ATG3: variants seen among roughly 807,000 people sequenced by gnomAD.
ATG3 encodes autophagy related 3, also known as ubiquitin-like-conjugating enzyme ATG3.
A neutral mutation model predicts 50.7 loss-of-function variants in ATG3; 25 were observed. That is an observed-to-expected ratio of 0.49 (90% confidence interval 0.36 to 0.69). ATG3 has a LOEUF of 0.69. Among genes scored for constraint, ATG3 ranks in the 30% least tolerant of loss-of-function variants. The pLI, the probability that ATG3 is intolerant of heterozygous loss-of-function variation, is 0.00. For synonymous variants in ATG3, 119 were observed against 125.5 expected, an observed-to-expected ratio of 0.95 and a Z score of 0.34; for missense variants, 281 against 376.0, an observed-to-expected ratio of 0.75 and a Z score of 2.09.
At chr3:112,547,592 T>C (rs1468766451) in intron 5 of ATG3, among the ~76,000 whole-genome samples, 2 of 152,220 alleles carry the variant, frequency 1.3e-5, no homozygotes, top group African/African-American at 4.8e-5. Flanking sequence ...GTTATATAAA[T>C]ATAGTGGCAA....
intron 7 of ATG3, among the ~76,000 whole-genome samples, chr3:112,541,391 GA>G (rs1170262566): frequency 1.3e-4 from 18 of 137,004 alleles, no homozygotes; most frequent in African/African-American, 3.8e-4. Flanking sequence ...CTCAAAAAAA[GA>G]AAAAAAAAAG....
intron 2 of ATG3, among the ~76,000 whole-genome samples, chr3:112,557,160 C>T (rs537003967): frequency 7.3e-6 from 1 of 136,160 alleles, no homozygotes; most frequent in South Asian, 2.3e-4. Context: ...TTTTTTCAGA[C>T]GGAGTCTCGT....
chr3:112,550,189 T>TA lies in ATG3; in HGVS notation c.235+2dup. 6.2e-7 allele frequency: 1 copy of TA among 1,601,580 alleles called. No individual in the cohort carries two copies. Among genetic ancestry groups the TA allele is most frequent in the Non-Finnish European group, 8.6e-7 (1 of 1,169,156 alleles). On this transcript the variant is annotated splice_region_variant and intron_variant, in intron 4 of 11. Coordinates refer to ENST00000283290, the MANE Select transcript of ATG3 (RefSeq NM_022488.5). ...TTATTCATATATGCAACATAATTCT[T>TA]ACCATTTTTGGTTACCAAAAATTGT...
intron 11 of ATG3, chr3:112,533,059 A>G: frequency 9.4e-7 from 1 of 1,068,828 alleles, no homozygotes; most frequent in Non-Finnish European, 1.1e-6. Flanking sequence ...GGACAAAGCT[A>G]TACATGTTTA....
At chr3:112,551,345 G>T (rs987666020) in intron 3 of ATG3, among the ~76,000 whole-genome samples, 3 of 152,302 alleles carry the variant, frequency 2.0e-5, no homozygotes, top group Non-Finnish European at 2.9e-5. Flanking sequence ...TCTGAGGAAA[G>T]AGTTAAAATA....
chr3:112,549,908 T>C (rs1933483601), intron 4 of ATG3, among the ~76,000 whole-genome samples: 2 of 151,952 alleles, frequency 1.3e-5, no homozygotes, highest in South Asian at 2.1e-4. Flanking sequence ...TCATAGGTAG[T>C]ATGAATTTCA....
Position 112,541,866 on chromosome 3 carries a change from C to T in ATG3, c.412G>A (p.Asp138Asn), listed in dbSNP as rs1933237587. The T allele has an allele frequency of 6.2e-7, 1 of 1,611,616 alleles. No individual in the cohort carries two copies. The highest frequency in any genetic ancestry group is 1.7e-5 in the Admixed American group (1 of 59,970). The change falls in exon 7 of 12, where the codon GAT (aspartate) becomes AAT (asparagine). Residue 138 changes from aspartate to asparagine, a missense_variant. Physicochemically the swap from Asp to Asn is conservative, Grantham distance 23. Around this residue, in one of 3 missense-constraint regions of ATG3, gnomAD observed 242 missense variants for 305.0 expected, o/e 0.79. Transcript: ENST00000283290. ...LENKDNIRLQDCSALCEEEED... is the reference protein window; with the variant it reads ...LENKDNIRLQNCSALCEEEED... ...TCCTCTTCACATAGTGCTGAGCAATCTTGAAGCCTTATATTGTCCTTTGAA... is the reference window on the plus strand; with the variant it reads ...TCCTCTTCACATAGTGCTGAGCAATTTTGAAGCCTTATATTGTCCTTTGAA...
chr3:112,552,069 T>TCTTTAGATATTA (rs144371088), intron 3 of ATG3, among the ~76,000 whole-genome samples: 10,222 of 152,230 alleles, frequency 0.067, 427 homozygotes, highest in Admixed American at 0.12. Flanking sequence ...AGTTTGAAGC[T>TCTTTAGATATTA]AGAAAAACAT....
At chr3:112,548,741 C>T (rs1285330811) in intron 4 of ATG3, 101 bp from the exon 5 acceptor site, 6 of 903,028 alleles carry the variant, frequency 6.6e-6, no homozygotes, top group Non-Finnish European at 1.1e-5. Flanking sequence ...GGTGTTTATA[C>T]CACCAAAGTA....
At chr3:112,551,794 T>C (rs775827543) in intron 3 of ATG3, among the ~76,000 whole-genome samples, 43 of 152,130 alleles carry the variant, frequency 2.8e-4, no homozygotes, top group Non-Finnish European at 3.8e-4. Context: ...TAAATATAGT[T>C]TTAACAGAAA....
intron 10 of ATG3, chr3:112,536,187 G>T: frequency 6.3e-6 from 2 of 318,266 alleles, no homozygotes; most frequent in Non-Finnish European, 1.2e-5. Context: ...AAACTGTTCT[G>T]GAAGCTAAAA....
chr3:112,537,954 A>G, intron 8 of ATG3, 64 bp from the exon 9 acceptor site: 1 of 1,460,052 alleles, frequency 6.8e-7, no homozygotes, highest in Non-Finnish European at 9.3e-7. Context: ...CATTCTAGAA[A>G]ACTTATTTTT....
intron 7 of ATG3, among the ~76,000 whole-genome samples, chr3:112,538,830 T>C (rs1031603212): frequency 6.6e-6 from 1 of 152,242 alleles, no homozygotes; most frequent in Non-Finnish European, 1.5e-5. Context: ...ACTTGGATTA[T>C]TTATTTTACG....
chr3:112,558,738 CTT>C (rs879374413), intron 1 of ATG3, among the ~76,000 whole-genome samples: 18 of 141,178 alleles, frequency 1.3e-4, no homozygotes, highest in Admixed American at 2.1e-4. Context: ...TAGAAACATT[CTT>C]TTTTTTTTTT....
chr3:112,548,343 C>CA (rs994750702), intron 5 of ATG3, among the ~76,000 whole-genome samples, 190 bp downstream of exon 5: 9 of 151,768 alleles, frequency 5.9e-5, no homozygotes, highest in African/African-American at 1.9e-4. Flanking sequence ...ACTCTTGTCT[C>CA]AAAAAAAGAA....
chr3:112,552,437 G>A (rs1050387252), intron 3 of ATG3, among the ~76,000 whole-genome samples: 2 of 151,796 alleles, frequency 1.3e-5, no homozygotes, highest in East Asian at 1.9e-4. Context: ...CCTCTTAAAA[G>A]CAGATTTATA....
intron 7 of ATG3, among the ~76,000 whole-genome samples, chr3:112,538,859 T>A (rs1436844841): frequency 1.3e-5 from 2 of 152,258 alleles, no homozygotes; most frequent in African/African-American, 2.4e-5. Flanking sequence ...AAATAACTAA[T>A]GAACACTGCA....
chr3:112,534,065 T>C, intron 11 of ATG3: 4 of 1,282,130 alleles, frequency 3.1e-6, no homozygotes, highest in Non-Finnish European at 3.9e-6. Flanking sequence ...CTGCTACACA[T>C]GGGGACATGT....
At chr3:112,550,072 G>T in intron 4 of ATG3, 120 bp downstream of exon 4, 2 of 640,150 alleles carry the variant, frequency 3.1e-6, no homozygotes, top group South Asian at 4.6e-5. Flanking sequence ...TTGGCAAAAA[G>T]AAATAACAGA....
Sources: gnomAD v4.1 joint callset for allele counts (sites outside exome capture counted in the v4.1 genomes callset) on GRCh38, gnomAD v4.1.1 for gene constraint, gnomAD v4.1.1 regional missense constraint, MANE v1.5 for transcripts, NCBI Gene and HGNC (gene_info 2026-07-23, HGNC 2026-07-21) for gene names.